Variants in FOXP4 observed in about 807,000 individuals in gnomAD.
FOXP4 encodes the protein forkhead box protein P4.
A neutral mutation model predicts 82.6 loss-of-function variants in FOXP4; 25 were observed. That is an observed-to-expected ratio of 0.30 (90% CI 0.22 to 0.42). The LOEUF is 0.42. Ranked by LOEUF, FOXP4 falls within the 10% of genes least tolerant of loss-of-function variation. The probability of loss-of-function intolerance (pLI) is 1.00; values close to 1 mark genes in which losing one functional copy is unlikely to be tolerated. For synonymous variants in FOXP4, 415 were observed against 388.2 expected, an observed-to-expected ratio of 1.07 and a Z score of -0.81; for missense variants, 785 against 900.9, an observed-to-expected ratio of 0.87 and a Z score of 1.65.
In FOXP4 at chr6:41,578,081, G is replaced by A; in HGVS notation, c.300G>A (p.Gln100=). The change falls in exon 3 of 17, where the codon CAG becomes CAA. Residue 100 remains glutamine (Q), a splice_region_variant and synonymous_variant. Transcript: ENST00000307972. ...NDSKQSASAV[Q]VPVSVAMMSP... ...GCAAACAGTCTGCCTCTGCTGTGCA[G>A]GTGAGGAAGAGAGCACCCCGCTGGC... The A allele has an allele frequency of 6.2e-7, 1 of 1,613,110 alleles. No individual in the cohort carries two copies.
chr6:41,595,281 T>A (rs572666545), intron 14 of FOXP4, among the ~76,000 whole-genome samples: 1 of 152,334 alleles, frequency 6.6e-6, no homozygotes, highest in East Asian at 1.9e-4. Flanking sequence ...GGGCCCCAAG[T>A]AGCCCTGGCC....
At chr6:41,565,049 G>A (rs988095427) in intron 1 of FOXP4, among the ~76,000 whole-genome samples, 3 of 152,164 alleles carry the variant, frequency 2.0e-5, no homozygotes, top group Non-Finnish European at 2.9e-5. Context: ...CTTTGTTGGT[G>A]TAGGTTTAAG....
Position 41,590,100 on chromosome 6 carries a change from T to G in FOXP4, c.1287T>G (p.Ser429=), listed in dbSNP as rs536802090. 3 of 1,613,504 alleles carry G rather than the reference T, an allele frequency of 1.9e-6. No homozygotes were observed. The highest frequency in any genetic ancestry group is 4.5e-5 in the East Asian group (2 of 44,874). The change falls in exon 11 of 17, where the codon TCT becomes TCG. Residue 429 remains serine, a synonymous_variant. Coordinates refer to ENST00000307972, the MANE Select transcript of FOXP4 (RefSeq NM_001012426.2). ...CTCTACGGCCCCCTGGCCTGGGCTCTGCCTCCCTGCATGGTGGGGGCCCAG... is the reference window on the plus strand; with the variant it reads ...CTCTACGGCCCCCTGGCCTGGGCTCGGCCTCCCTGCATGGTGGGGGCCCAG... ...VTPLRPPGLG[S]ASLHGGGPAR...
rs145263446 is a variant in FOXP4, at chr6:41,580,949, C to T, written c.300+2868C>T. Among the ~76,000 whole-genome samples, 543 of 152,350 alleles carry T rather than the reference C, an allele frequency of 3.6e-3. 2 individuals are homozygous for T. Among genetic ancestry groups the T allele is most frequent in the African/African-American group, 0.012 (513 of 41,580 alleles). On this transcript the variant is annotated intron_variant, in intron 3 of 16. Coordinates refer to ENST00000307972, the MANE Select transcript of FOXP4 (RefSeq NM_001012426.2). ...TCCAAAACTATTGTCAGGTCTCCAG[C>T]TCCAGCCTAGTGAGGGGCCCTCCTT... is the stretch of plus-strand genomic sequence containing the variant.
chr6:41,555,147 G>A (rs1764204107), intron 1 of FOXP4, among the ~76,000 whole-genome samples: 1 of 152,090 alleles, frequency 6.6e-6, no homozygotes, highest in Non-Finnish European at 1.5e-5. Flanking sequence ...TCGGGAGGCT[G>A]AGACCAGAGG....
chr6:41,586,817 T>G (rs1038391283), intron 5 of FOXP4, among the ~76,000 whole-genome samples, 192 bp from the exon 6 acceptor site: 1 of 152,074 alleles, frequency 6.6e-6, no homozygotes, highest in Non-Finnish European at 1.5e-5. Context: ...TGCATGCGTG[T>G]GTTTACTGCG....
chr6:41,592,299 C>T (rs1016132176), intron 13 of FOXP4, among the ~76,000 whole-genome samples: 1 of 152,328 alleles, frequency 6.6e-6, no homozygotes, highest in Middle Eastern at 3.4e-3. Context: ...CCTGCCTACC[C>T]TTTGCCCTGG....
intron 2 of FOXP4, among the ~76,000 whole-genome samples, chr6:41,566,588 C>G (rs556492021): frequency 6.6e-6 from 1 of 152,162 alleles, no homozygotes; most frequent in Non-Finnish European, 1.5e-5. Context: ...TAAGACCAAC[C>G]TCTCTGAGGA....
chr6:41,559,978 C>T (rs1303038072), intron 1 of FOXP4, among the ~76,000 whole-genome samples: 2 of 152,226 alleles, frequency 1.3e-5, no homozygotes, highest in African/African-American at 4.8e-5. Flanking sequence ...CCGTCATTCT[C>T]ATCTTCTACT....
chr6:41,563,002 G>A (rs549772624), intron 1 of FOXP4, among the ~76,000 whole-genome samples: 18 of 152,326 alleles, frequency 1.2e-4, no homozygotes, highest in Non-Finnish European at 2.5e-4. Flanking sequence ...GCCTGAGACC[G>A]AGTGCTCAAT....
At chr6:41,585,392 C>G in intron 4 of FOXP4, 39 bp from the exon 5 acceptor site, 1 of 1,599,586 alleles carries the variant, frequency 6.3e-7, no homozygotes, top group East Asian at 2.2e-5. Context: ...GTGGGGATAG[C>G]AGTACCCTGC....
At chr6:41,597,064 A>G (rs1370231426) in intron 14 of FOXP4, 112 bp from the exon 15 acceptor site, 9 of 1,138,118 alleles carry the variant, frequency 7.9e-6, no homozygotes, top group Non-Finnish European at 1.2e-5. Flanking sequence ...GCCTCCCGGA[A>G]TAGGGAATGG....
At chr6:41,598,032 G>GGGAT in intron 16 of FOXP4, 82 bp downstream of exon 16, 2 of 1,251,826 alleles carry the variant, frequency 1.6e-6, no homozygotes, top group Non-Finnish European at 2.1e-6. Flanking sequence ...CCCTGGGTGG[G>GGGAT]GTTCCCCATC....
In FOXP4 at chr6:41,593,979, G is replaced by A. The variant is rs1766670390; in HGVS notation, c.1537-891G>A. Among the ~76,000 whole-genome samples, 1 of 152,126 alleles carries A rather than the reference G, an allele frequency of 6.6e-6. No individual in the cohort carries two copies. Among genetic ancestry groups the A allele is most frequent in the African/African-American group, 2.4e-5 (1 of 41,412 alleles). On this transcript the variant is annotated intron_variant, in intron 13 of 16. Coordinates refer to ENST00000307972, the MANE Select transcript of FOXP4 (RefSeq NM_001012426.2). This position sits in a 1 kb window ranked among gnomAD's most constrained non-coding sequence, Gnocchi z 4.1. ...GATGCAGGCAGGGATGGTGATAACT[G>A]GGAGCTGGCCGTGGGGGCAGCACAG...
intron 1 of FOXP4, among the ~76,000 whole-genome samples, chr6:41,557,323 T>C (rs1216195551): frequency 1.3e-5 from 2 of 152,244 alleles, no homozygotes; most frequent in Non-Finnish European, 2.9e-5. Flanking sequence ...GTATGAATTT[T>C]ATGGGCATCA....
intron 1 of FOXP4, among the ~76,000 whole-genome samples, chr6:41,561,562 C>T (rs533645718): frequency 3.2e-4 from 48 of 152,234 alleles, no homozygotes; most frequent in Non-Finnish European, 1.6e-4. Flanking sequence ...TGCTGAGGAC[C>T]TTGGTGGCTG....
In FOXP4 at chr6:41,587,657, A is replaced by G. The variant is rs553327432; in HGVS notation, c.873-136A>G. The G allele has an allele frequency of 1.6e-5, 14 of 903,068 alleles. No individual in the cohort carries two copies. In the African/African-American group the frequency reaches 2.2e-4, roughly 14 times the overall value. 55.9% of individuals were successfully genotyped at this position (903,068 alleles called of 1,614,324 possible). ...CTCTCCACTCCCTCTCCCGGGGTGT[A>G]CAGATGGTGCTTGGCCGCTGGGAAA... On this transcript the variant is annotated intron_variant, in intron 7 of 16. Transcript: ENST00000307972.
intron 1 of FOXP4, among the ~76,000 whole-genome samples, chr6:41,560,769 C>T (rs1764529217): frequency 6.6e-6 from 1 of 152,222 alleles, no homozygotes; most frequent in Non-Finnish European, 1.5e-5. Context: ...CGCGGCGAGG[C>T]GCAGGGTGTC....
At chr6:41,559,364 C>T (rs934987668) in intron 1 of FOXP4, among the ~76,000 whole-genome samples, 2 of 152,218 alleles carry the variant, frequency 1.3e-5, no homozygotes, top group Non-Finnish European at 2.9e-5. Flanking sequence ...AAACATTGGT[C>T]GCACCAATGA....
Sources: gnomAD v4.1 joint callset for allele counts (sites outside exome capture counted in the v4.1 genomes callset) on GRCh38, gnomAD v4.1.1 for gene constraint, Gnocchi (gnomAD v3.1) non-coding constraint, MANE v1.5 for transcripts, NCBI Gene and HGNC (gene_info 2026-07-23, HGNC 2026-07-21) for gene names.